The following ABCG1 variants were observed in gnomAD, a reference collection of about 807,000 sequenced individuals.
ABCG1 encodes the protein ATP-binding cassette sub-family G member 1.
ABCG1 carries 29 observed loss-of-function variants against 69.2 expected under a neutral mutation model. The observed-to-expected ratio is 0.42, with a 90% CI of 0.31 to 0.57. The LOEUF is 0.57. Ranked by LOEUF, ABCG1 falls within the 20% of genes least tolerant of loss-of-function variation. The pLI is 0.15. For missense variants in ABCG1, 718 were observed against 898.1 expected (o/e 0.80, Z 2.56); for synonymous variants, 370 against 374.8 (o/e 0.99, Z 0.15).
chr21:42,223,956 C>T (rs141408992), intron 1 of ABCG1, among the ~76,000 whole-genome samples: 2 of 152,140 alleles, frequency 1.3e-5, no homozygotes, highest in African/African-American at 4.8e-5. Context: ...CAGCTGGCCT[C>T]CTGGGGTGGA....
In ABCG1 at chr21:42,247,908, G is replaced by A. The variant is rs114174050; in HGVS notation, c.286+21994G>A. Among the ~76,000 whole-genome samples, 1,377 of 152,256 alleles carry A rather than the reference G, an allele frequency of 9.0e-3. 18 individuals carry two copies. Among genetic ancestry groups the A allele is most frequent in the African/African-American group, 0.031 (1,305 of 41,528 alleles). On this transcript the variant is annotated intron_variant, in intron 2 of 14. Transcript: ENST00000398449. ...CTGGGGCCAGCAAGAGCCTGGAGACGCAAGGAAGGACCCTCCCCTGGAGCC... is the reference window on the plus strand; with the variant it reads ...CTGGGGCCAGCAAGAGCCTGGAGACACAAGGAAGGACCCTCCCCTGGAGCC...
At chr21:42,259,025 G>A (rs1481123992) in intron 2 of ABCG1, among the ~76,000 whole-genome samples, 6 of 152,190 alleles carry the variant, frequency 3.9e-5, no homozygotes, top group Non-Finnish European at 8.8e-5. Flanking sequence ...TGTTCCTGGT[G>A]GTGATCCAAG....
chr21:42,216,313 A>C (rs532689435), upstream of ABCG1: 5 of 331,668 alleles, frequency 1.5e-5, no homozygotes, highest in South Asian at 1.2e-4. Flanking sequence ...AGCTGTCAGC[A>C]ATGCCTTAGC....
At position 42,276,677 on chromosome 21, in the gene ABCG1, T is replaced by TGTGGATAGCTGCACC. The variant is rs2068715924; in HGVS notation, c.538-214_538-200dup. 5.5e-6 allele frequency: 3 copies of TGTGGATAGCTGCACC among 545,662 alleles called. No homozygotes were observed. Among genetic ancestry groups the TGTGGATAGCTGCACC allele is most frequent in the Admixed American group, 3.4e-5 (1 of 29,080 alleles). The allele number at this position is 545,662 out of a possible 1,614,324, so 33.8% of individuals were successfully genotyped here. ...CTAGTGGCCTTATGCCTAGCTGCACTGTGGATAGCTGCACCGTGACTAGTG... is the reference window on the plus strand; with the variant it reads ...CTAGTGGCCTTATGCCTAGCTGCACTGTGGATAGCTGCACCGTGGATAGCTGCACCGTGACTAGTG... On this transcript the variant is annotated intron_variant, in intron 4 of 14. Coordinates refer to ENST00000398449, the MANE Select transcript of ABCG1 (RefSeq NM_016818.3). The surrounding 1 kb of genome is among the most constrained non-coding windows in gnomAD (Gnocchi z 5.3).
At chr21:42,219,074 C>T (rs1003798628), upstream of ABCG1, 3 of 350,182 alleles carry the variant, frequency 8.6e-6, no homozygotes, top group Admixed American at 5.4e-5. The surrounding 1 kb of genome is among the most constrained non-coding windows in gnomAD (Gnocchi z 5.3). Flanking sequence ...CCCTTGGTGC[C>T]GGCCAATCGC....
At chr21:42,283,718 CCA>C (rs1219950573) in intron 6 of ABCG1, among the ~76,000 whole-genome samples, 5 of 59,134 alleles carry the variant, frequency 8.5e-5, no homozygotes, top group Admixed American at 3.1e-4. Flanking sequence ...GAAGTACCAC[CCA>C]CCACCCAGAT....
upstream of ABCG1, among the ~76,000 whole-genome samples, chr21:42,217,119 C>T (rs2067649439): frequency 6.6e-6 from 1 of 152,186 alleles, no homozygotes; most frequent in Admixed American, 6.5e-5. Flanking sequence ...AGTTCCGGAC[C>T]AGCCAGGATG....
intron 2 of ABCG1, among the ~76,000 whole-genome samples, chr21:42,260,311 G>A (rs1395759941): frequency 6.6e-6 from 1 of 152,196 alleles, no homozygotes; most frequent in Non-Finnish European, 1.5e-5. Context: ...GGCTCCTCTC[G>A]AGGGGGCCTG....
intron 2 of ABCG1, among the ~76,000 whole-genome samples, chr21:42,228,311 A>T (rs1047764042): frequency 6.6e-6 from 1 of 152,220 alleles, no homozygotes; most frequent in Admixed American, 6.5e-5. Flanking sequence ...GACAGACAGG[A>T]TATGTCTGCT....
chr21:42,216,384 G>C (rs1031383891), upstream of ABCG1, among the ~76,000 whole-genome samples: 1 of 148,148 alleles, frequency 6.8e-6, no homozygotes, highest in East Asian at 2.1e-4. Flanking sequence ...TTGCCTGGTT[G>C]ATCCTCAGGG....
At chr21:42,210,040 G>A (rs1196973860) in intron 2 of ABCG1, among the ~76,000 whole-genome samples, 1 of 151,142 alleles carries the variant, frequency 6.6e-6, no homozygotes, top group Non-Finnish European at 1.5e-5. Flanking sequence ...TGATGAAAGG[G>A]CTTTGTCACT....
intron 2 of ABCG1, among the ~76,000 whole-genome samples, chr21:42,210,623 C>G (rs1443101792): frequency 1.3e-5 from 2 of 152,224 alleles, no homozygotes; most frequent in African/African-American, 4.8e-5. Flanking sequence ...CTTGTCTTAA[C>G]TTAATCTATG....
rs556689408 is a variant in ABCG1 at position 42,255,741 on chromosome 21, T to G, written c.287-15329T>G. Among the ~76,000 whole-genome samples the G allele has an allele frequency of 5.3e-5, 8 of 152,292 alleles. No homozygotes were observed. In the South Asian group the frequency reaches 8.3e-4, roughly 16 times the overall value. ...GGTTTTGTTTGTGTTGACTTTCCCTTTAATCCATGCTCAAGCCCCTCACCT... is the reference window on the plus strand; with the variant it reads ...GGTTTTGTTTGTGTTGACTTTCCCTGTAATCCATGCTCAAGCCCCTCACCT... On this transcript the variant is annotated intron_variant, in intron 2 of 14. Transcript: ENST00000398449.
intron 5 of ABCG1, among the ~76,000 whole-genome samples, chr21:42,281,551 G>A (rs993241231): frequency 3.9e-5 from 6 of 152,242 alleles, no homozygotes; most frequent in East Asian, 3.8e-4. Context: ...AGCCTGTGCC[G>A]TGGTGTGGCT....
At chr21:42,247,826 C>T (rs1299483215) in intron 2 of ABCG1, among the ~76,000 whole-genome samples, 9 of 152,160 alleles carry the variant, frequency 5.9e-5, no homozygotes, top group Non-Finnish European at 1.2e-4. Context: ...GTGGAGGAGA[C>T]AGCCCCATGA....
intron 2 of ABCG1, among the ~76,000 whole-genome samples, chr21:42,232,069 C>G (rs1018398108): frequency 6.6e-6 from 1 of 152,206 alleles, no homozygotes; most frequent in Non-Finnish European, 1.5e-5. Flanking sequence ...GGCTACCACT[C>G]AGGCCCTGAG....
Position 42,288,088 on chromosome 21 carries a change from G to A in ABCG1, c.1122+51G>A, listed in dbSNP as rs113078294. 2.9e-4 allele frequency: 458 copies of A among 1,604,082 alleles called. No homozygotes were observed. The African/African-American group carries it at 4.3e-3, about 15-fold the overall frequency. The stretch of plus-strand genomic sequence containing the variant: ...GGTTGAGAAAGGTAATGCAAATCCC[G>A]AAGCCCCCTGGGGGAGGCTGCACGT... On this transcript the variant is annotated intron_variant, in intron 9 of 14. Transcript: ENST00000398449. The surrounding 1 kb of genome is among the most constrained non-coding windows in gnomAD (Gnocchi z 4.8).
At chr21:42,223,199 G>A (rs973239177) in intron 1 of ABCG1, among the ~76,000 whole-genome samples, 4 of 152,100 alleles carry the variant, frequency 2.6e-5, no homozygotes, top group Non-Finnish European at 5.9e-5. Flanking sequence ...GTCTCTGAAC[G>A]CTTCACTGTC....
At position 42,296,276 on chromosome 21, in the gene ABCG1, C is replaced by G. The variant is rs1191953526; in HGVS notation, c.1885C>G (p.Leu629Val). The G allele has an allele frequency of 6.2e-7, 1 of 1,614,170 alleles. No homozygotes were observed. Among genetic ancestry groups the G allele is most frequent in the Non-Finnish European group, 8.5e-7 (1 of 1,180,020 alleles). The change falls in exon 15 of 15, where the codon CTG becomes GTG. Residue 629 changes from leucine to valine, a missense_variant. Leu to Val is a conservative substitution (Grantham distance 32, BLOSUM62 1). Transcript: ENST00000398449. This position sits in a 1 kb window ranked among gnomAD's most constrained non-coding sequence, Gnocchi z 5.4. ...FQKSEAILRE[L>V]DVENAKLYLD... Reference sequence around the variant, plus strand: ...GAAGTCGGAGGCCATCCTGCGGGAGCTGGACGTGGAAAATGCCAAGCTGTA... The same window carrying G: ...GAAGTCGGAGGCCATCCTGCGGGAGGTGGACGTGGAAAATGCCAAGCTGTA...
Sources: allele counts gnomAD v4.1 joint callset (sites outside exome capture counted in the v4.1 genomes callset), GRCh38; gene constraint gnomAD v4.1.1; non-coding constraint Gnocchi (gnomAD v3.1); transcripts MANE v1.5; gene names NCBI Gene and HGNC (gene_info 2026-07-23, HGNC 2026-07-21).